Variants in SHROOM4 observed in about 807,000 individuals in gnomAD.
SHROOM4 encodes the protein shroom family member 4.
SHROOM4 carries 17 observed loss-of-function variants against 80.3 expected under a neutral mutation model. The ratio of observed to expected loss-of-function variants is 0.21; its 90% CI spans 0.14 to 0.32. The LOEUF (loss-of-function observed/expected upper bound fraction) is 0.32. Ranked by LOEUF, SHROOM4 falls within the 10% of genes least tolerant of loss-of-function variation. SHROOM4 has a pLI of 1.00. For synonymous variants in SHROOM4, 400 were observed against 437.5 expected (o/e 0.91, Z 1.07); for missense variants, 993 against 1,140.3 (o/e 0.87, Z 1.86).
intron 1 of SHROOM4, among the ~76,000 whole-genome samples, chrX:50,737,599 G>A (rs1218532271): frequency 6.3e-5 from 7 of 111,284 alleles, no homozygotes; most frequent in Admixed American, 2.9e-4. Context: ...AAACTGTTAT[G>A]AGAGTACACC....
chrX:50,700,620 T>A (rs1373366098), intron 1 of SHROOM4, among the ~76,000 whole-genome samples: 5 of 111,791 alleles, frequency 4.5e-5, no homozygotes, highest in Admixed American at 9.5e-5. Flanking sequence ...ACATGGGAGA[T>A]ACAGGCTTTC....
At chrX:50,728,228 G>A (rs782510295) in intron 1 of SHROOM4, among the ~76,000 whole-genome samples, 3 of 110,850 alleles carry the variant, frequency 2.7e-5, no homozygotes, top group South Asian at 3.9e-4. Flanking sequence ...GCATGGTGGC[G>A]GGCACCTGTA....
intron 7 of SHROOM4, among the ~76,000 whole-genome samples, chrX:50,601,889 C>T (rs996066803): frequency 1.8e-5 from 2 of 111,204 alleles, no homozygotes; most frequent in Admixed American, 1.9e-4. Flanking sequence ...GGCAGAAACT[C>T]TGATGTGCCC....
chrX:50,750,653 T>C (rs1557267981), intron 1 of SHROOM4, among the ~76,000 whole-genome samples: 1 of 112,276 alleles, frequency 8.9e-6, no homozygotes, highest in Non-Finnish European at 1.9e-5. Flanking sequence ...GATCTCCTGT[T>C]TCTGCTGCTA....
rs1376810842 is a variant in SHROOM4 at position 50,735,375 on chromosome X, GA to G, written c.118-39439del. 4.5e-5 allele frequency among the ~76,000 whole-genome samples: 5 copies of G among 111,824 alleles called. 1 individual carries two copies. Among genetic ancestry groups the G allele is most frequent in the African/African-American group, 1.6e-4 (5 of 30,758 alleles). On this transcript the variant is annotated intron_variant, in intron 1 of 8. Transcript: ENST00000376020. ...AATGTGAACAATAAAACTACTAGAA[GA>G]AAAAGCAGGTAAACCTTAATGACTT...
chrX:50,577,783 G>T, the SHROOM4 span, among the ~76,000 whole-genome samples: 19 of 111,362 alleles, frequency 1.7e-4, no homozygotes, highest in Admixed American at 1.7e-3. Context: ...AAAAAGCCCT[G>T]CTTGGTTGAG....
chrX:50,747,720 G>T (rs782155143), intron 1 of SHROOM4, among the ~76,000 whole-genome samples: 14 of 111,981 alleles, frequency 1.3e-4, no homozygotes, highest in Non-Finnish European at 2.1e-4. Flanking sequence ...ATGGAATAGG[G>T]CTACTTGGCT....
chrX:50,679,460 A>C (rs2147411242), intron 2 of SHROOM4, among the ~76,000 whole-genome samples: 1 of 112,057 alleles, frequency 8.9e-6, no homozygotes, highest in African/African-American at 3.2e-5. Context: ...TTCCATTAGC[A>C]GTCAGATATT....
At chrX:50,639,939 G>A (rs1354819645) in intron 2 of SHROOM4, among the ~76,000 whole-genome samples, 5 of 111,715 alleles carry the variant, frequency 4.5e-5, no homozygotes, top group African/African-American at 9.8e-5. Flanking sequence ...AGATTTAAGC[G>A]GAGGAAAGCC....
chrX:50,591,671 T>C lies in SHROOM4; in HGVS notation c.*5024A>G. The C allele has an allele frequency of 3.6e-6, 1 of 274,390 alleles. No homozygotes were observed. 22.6% of individuals were successfully genotyped at this position (274,390 alleles called of 1,213,427 possible). A position where few individuals can be genotyped will look rare whatever the true frequency, so the allele number is the denominator to read the frequency against. ...TGATGCTATTGTAAATGGAACTGTT[T>C]TCTTTCTTTCTTTCTTTCTTTCTTT... On this transcript the variant is annotated 3_prime_UTR_variant, in exon 9 of 9. Coordinates refer to ENST00000376020, the MANE Select transcript of SHROOM4 (RefSeq NM_020717.5).
intron 1 of SHROOM4, among the ~76,000 whole-genome samples, chrX:50,759,231 A>G (rs782229231): frequency 6.3e-5 from 7 of 111,868 alleles, no homozygotes; most frequent in Non-Finnish European, 1.3e-4. Context: ...GTATCTTTAT[A>G]AGAACAGAAA....
intron 1 of SHROOM4, among the ~76,000 whole-genome samples, chrX:50,799,814 C>T (rs1163395257): frequency 3.6e-5 from 4 of 112,117 alleles, no homozygotes; most frequent in African/African-American, 1.3e-4. Flanking sequence ...AAACACATAG[C>T]AACAAGTGGG....
intron 5 of SHROOM4, among the ~76,000 whole-genome samples, chrX:50,624,810 C>A (rs1447043556): frequency 9.1e-6 from 1 of 110,041 alleles, no homozygotes; most frequent in African/African-American, 3.3e-5. Flanking sequence ...TCCTCAAGTT[C>A]TAGTCACCAA....
intron 5 of SHROOM4, among the ~76,000 whole-genome samples, chrX:50,615,067 TG>T (rs1557250547): frequency 1.8e-5 from 2 of 108,639 alleles, no homozygotes; most frequent in African/African-American, 6.7e-5. Flanking sequence ...TGTAAAGAGT[TG>T]TACTGATGGT....
In SHROOM4 at chrX:50,813,914, G is replaced by C. The variant is rs781900338; in HGVS notation, c.105C>G (p.Leu35=). ...CGCCAGTTCTTACCTTAGACACTGT[G>C]AGCGGCTCACAGTGTTCCAGACCCC... is the stretch of plus-strand genomic sequence containing the variant. ...LKGGLEHCEP[L]TVSKIEDGGK... is the part of the protein sequence containing the mutation. Residue 35 remains leucine, a synonymous_variant, in exon 1 of 9, where the codon CTC becomes CTG. Coordinates refer to ENST00000376020, the MANE Select transcript of SHROOM4 (RefSeq NM_020717.5). 1 of 1,194,631 alleles carries C rather than the reference G, an allele frequency of 8.4e-7. No homozygotes were observed. Among genetic ancestry groups the C allele is most frequent in the Non-Finnish European group, 1.1e-6 (1 of 882,742 alleles).
chrX:50,804,883 T>G (rs1557272914), intron 1 of SHROOM4, among the ~76,000 whole-genome samples: 2 of 110,969 alleles, frequency 1.8e-5, no homozygotes, highest in East Asian at 5.7e-4. Flanking sequence ...CTGGTCTACT[T>G]TTGCTTGTTG....
At chrX:50,795,085 TA>T (rs1935949560) in intron 1 of SHROOM4, among the ~76,000 whole-genome samples, 1 of 67,760 alleles carries the variant, frequency 1.5e-5, no homozygotes, top group African/African-American at 7.3e-5. Flanking sequence ...GATATATATA[TA>T]TGATATATAT....
chrX:50,752,447 G>T (rs1229982545), intron 1 of SHROOM4, among the ~76,000 whole-genome samples: 1 of 111,432 alleles, frequency 9.0e-6, no homozygotes, highest in Non-Finnish European at 1.9e-5. Context: ...CAGACTGAGG[G>T]TATGCCTGAT....
Position 50,608,114 on chromosome X carries a change from G to A in SHROOM4, c.3028C>T (p.Leu1010=), listed in dbSNP as rs1455547981. 1 of 1,209,929 alleles carries A rather than the reference G, an allele frequency of 8.3e-7. No individual in the cohort carries two copies. The highest frequency in any genetic ancestry group is 1.1e-6 in the Non-Finnish European group (1 of 895,295). ...PFHPCLENPA[L]DLSSYRAISS... ...ATTGCTCGGTAGCTTGACAAGTCCAGTGCTGGGTTCTCAAGGCAAGGATGG... is the reference window on the plus strand; with the variant it reads ...ATTGCTCGGTAGCTTGACAAGTCCAATGCTGGGTTCTCAAGGCAAGGATGG... Residue 1010 remains leucine, a synonymous_variant, in exon 6 of 9, where the codon CTG becomes TTG. Transcript: ENST00000376020.
Sources: allele counts gnomAD v4.1 joint callset (sites outside exome capture counted in the v4.1 genomes callset), GRCh38; gene constraint gnomAD v4.1.1; transcripts MANE v1.5; gene names NCBI Gene and HGNC (gene_info 2026-07-23, HGNC 2026-07-21).